The following DMXL1 variants were observed in gnomAD, a reference collection of about 807,000 sequenced individuals.
DMXL1 encodes the protein dmX-like protein 1.
DMXL1 carries 99 observed loss-of-function variants against 319.2 expected under a neutral mutation model. The observed-to-expected ratio is 0.31, with a 90% CI of 0.26 to 0.37. The LOEUF (loss-of-function observed/expected upper bound fraction) is 0.37. Ranked by LOEUF, DMXL1 falls within the 10% of genes least tolerant of loss-of-function variation. The pLI is 1.00. For synonymous variants in DMXL1, 1,385 were observed against 1,235.2 expected (o/e 1.12, Z -2.54); for missense variants, 3,745 against 3,595.6 (o/e 1.04, Z -1.06).
rs1165152024 is a variant in DMXL1, at chr5:119,109,474, CA to C, written c.365-674del. On this transcript the variant is annotated intron_variant, in intron 4 of 43. Coordinates refer to ENST00000539542, the MANE Select transcript of DMXL1 (RefSeq NM_001290321.3). ...ATCTTTTACTCCCAACTACCTATAA[CA>C]AAGTCCAAACGCTGTGAACTTGAAA... Among the ~76,000 whole-genome samples the C allele has an allele frequency of 2.6e-5, 4 of 152,180 alleles. No individual in the cohort carries two copies. The East Asian group carries it at 7.7e-4, about 29-fold the overall frequency.
intron 38 of DMXL1, among the ~76,000 whole-genome samples, chr5:119,227,995 A>G (rs1378717191): frequency 6.6e-6 from 1 of 152,238 alleles, no homozygotes; most frequent in South Asian, 2.1e-4. Flanking sequence ...GAGAAAAGAA[A>G]AAAGTTTTCT....
At chr5:119,178,755 G>C in intron 28 of DMXL1, 1 of 557,454 alleles carries the variant, frequency 1.8e-6, no homozygotes, top group Non-Finnish European at 2.3e-6. Context: ...TGAGGGGTTG[G>C]GGTACAGTGG....
intron 42 of DMXL1, among the ~76,000 whole-genome samples, chr5:119,243,988 A>G (rs903208650): frequency 6.6e-6 from 1 of 152,238 alleles, no homozygotes; most frequent in African/African-American, 2.4e-5. Context: ...TTGGTTAAAC[A>G]GGACCAAAGC....
chr5:119,230,599 TGGGCC>T (rs1786504157), intron 38 of DMXL1, among the ~76,000 whole-genome samples: 1 of 152,148 alleles, frequency 6.6e-6, no homozygotes, highest in South Asian at 2.1e-4. Flanking sequence ...AAAGGATATC[TGGGCC>T]GGGCACAGTG....
At chr5:119,202,884 TTTATATATATATATATATATATTTA>T (rs1781012431) in intron 32 of DMXL1, among the ~76,000 whole-genome samples, 6 of 113,660 alleles carry the variant, frequency 5.3e-5, no homozygotes, top group Admixed American at 3.5e-4. Context: ...TATATATATT[TTTATATATATATATATATATATTTA>T]TATATTTTTA....
At chr5:119,119,383 C>A (rs1158192080) in intron 8 of DMXL1, among the ~76,000 whole-genome samples, 1 of 152,112 alleles carries the variant, frequency 6.6e-6, no homozygotes, top group Non-Finnish European at 1.5e-5. Context: ...AAAACCCACC[C>A]CACCCCCAGA....
chr5:119,232,217 T>C (rs931300576), intron 38 of DMXL1, among the ~76,000 whole-genome samples: 2 of 152,182 alleles, frequency 1.3e-5, no homozygotes, highest in Non-Finnish European at 2.9e-5. Flanking sequence ...CAATTTATTT[T>C]TCTGATTAAG....
At chr5:119,106,751 A>G (rs944972849) in intron 4 of DMXL1, among the ~76,000 whole-genome samples, 1 of 152,218 alleles carries the variant, frequency 6.6e-6, no homozygotes, top group Admixed American at 6.5e-5. Context: ...ATTAGTCTGG[A>G]TGAGAAATAA....
rs1484340404 is a variant in DMXL1 at position 119,220,556 on chromosome 5, A to G, written c.8098A>G (p.Thr2700Ala). ...TGGAATTCTGGCCACACAGGTCTAC[A>G]CTTGGGTAGATGATGATATAGAAGT... ...VSGILATQVY[T>A]WVDDDIEVET... The change falls in exon 36 of 44, where the codon ACT becomes GCT. Residue 2700 changes from threonine (T) to alanine (A), a missense_variant. Physicochemically the swap from Thr to Ala is moderately conservative, Grantham distance 58. Transcript: ENST00000539542. 6.2e-7 allele frequency: 1 copy of G among 1,613,842 alleles called. No individual in the cohort carries two copies. Among genetic ancestry groups the G allele is most frequent in the Admixed American group, 1.7e-5 (1 of 60,002 alleles).
At chr5:119,076,395 G>A (rs2149667671) in intron 1 of DMXL1, among the ~76,000 whole-genome samples, 1 of 151,978 alleles carries the variant, frequency 6.6e-6, no homozygotes, top group African/African-American at 2.4e-5. Context: ...GGATGGGAAG[G>A]TGTTTGTTTT....
rs1789935601 is a variant in DMXL1 at position 119,247,087 on chromosome 5, G to A, written c.9015G>A (p.Met3005Ile). The stretch of plus-strand genomic sequence containing the variant: ...TTAGAAATATTGGAACTGGAGTGAT[G>A]CAAATTGAGACAGGGCCTGCAAATC... ...SIFRNIGTGV[M>I]QIETGPANHI... The change falls in exon 44 of 44, where the codon ATG becomes ATA. Residue 3005 changes from methionine to isoleucine, a missense_variant. By Grantham distance (10) the Met-to-Ile change is conservative. Transcript: ENST00000539542. 6.2e-7 allele frequency: 1 copy of A among 1,614,024 alleles called. No individual in the cohort carries two copies. The highest frequency in any genetic ancestry group is 8.5e-7 in the Non-Finnish European group (1 of 1,179,998).
intron 33 of DMXL1, among the ~76,000 whole-genome samples, chr5:119,205,367 A>G (rs766329294): frequency 5.9e-5 from 9 of 152,168 alleles, no homozygotes; most frequent in Non-Finnish European, 1.2e-4. Flanking sequence ...AATAATAAGT[A>G]TAACTACACA....
chr5:119,117,276 G>A (rs1432714496), intron 7 of DMXL1, among the ~76,000 whole-genome samples: 1 of 152,098 alleles, frequency 6.6e-6, no homozygotes, highest in Non-Finnish European at 1.5e-5. Flanking sequence ...CCTGAGCTCA[G>A]GCGATCTGCC....
intron 9 of DMXL1, among the ~76,000 whole-genome samples, chr5:119,126,427 A>G (rs1240736426): frequency 1.3e-5 from 2 of 152,218 alleles, no homozygotes; most frequent in Non-Finnish European, 2.9e-5. Flanking sequence ...TTATTTTGGA[A>G]TATCCTCTCA....
At chr5:119,114,893 C>T (rs1249851500) in intron 6 of DMXL1, among the ~76,000 whole-genome samples, 1 of 152,146 alleles carries the variant, frequency 6.6e-6, no homozygotes, top group African/African-American at 2.4e-5. Flanking sequence ...TGGTCTTGAA[C>T]CCCTGACCTT....
chr5:119,221,783 C>CTTT (rs34394187), intron 37 of DMXL1, among the ~76,000 whole-genome samples: 1 of 146,012 alleles, frequency 6.8e-6, no homozygotes, highest in African/African-American at 2.5e-5. Context: ...GACAAATATT[C>CTTT]TTTTTTTTTT....
intron 38 of DMXL1, among the ~76,000 whole-genome samples, chr5:119,225,424 A>G (rs1026650196): frequency 6.6e-6 from 1 of 152,020 alleles, no homozygotes; most frequent in African/African-American, 2.4e-5. Context: ...ATCAATACTC[A>G]TACTGGTGTG....
intron 1 of DMXL1, among the ~76,000 whole-genome samples, chr5:119,085,733 A>G (rs1357608600): frequency 6.6e-6 from 1 of 152,126 alleles, no homozygotes; most frequent in East Asian, 1.9e-4. Flanking sequence ...ATACTGAATA[A>G]AAGTGGTGAA....
Position 119,167,711 on chromosome 5 carries a change from G to T in DMXL1, c.5245G>T (p.Val1749Phe). ...AAYKSILRKK[V>F]LGIDSPVSEL... ...ATATAAATCTATTTTACGTAAAAAA[G>T]TTTTGGGAATCGATTCTCCTGTCAG... Residue 1749 changes from valine (V) to phenylalanine (F), a missense_variant, in exon 23 of 44, where the codon GTT (valine) becomes TTT (phenylalanine). Coordinates refer to ENST00000539542, the MANE Select transcript of DMXL1 (RefSeq NM_001290321.3). The T allele has an allele frequency of 6.2e-7, 1 of 1,613,614 alleles. No individual in the cohort carries two copies. The highest frequency in any genetic ancestry group is 8.5e-7 in the Non-Finnish European group (1 of 1,179,760).
Sources: gnomAD v4.1 joint callset for allele counts (sites outside exome capture counted in the v4.1 genomes callset) on GRCh38, gnomAD v4.1.1 for gene constraint, MANE v1.5 for transcripts, NCBI Gene and HGNC (gene_info 2026-07-23, HGNC 2026-07-21) for gene names.